The following SLC4A9 variants were observed in gnomAD, a reference collection of about 807,000 sequenced individuals.
SLC4A9 encodes the protein solute carrier family 4 member 9, also known as anion exchange protein 4.
In SLC4A9, 102 loss-of-function variants were observed where a neutral mutation model predicts 103.2. That is an observed-to-expected ratio of 0.99 (90% CI 0.84 to 1.17). SLC4A9 has a LOEUF of 1.17. SLC4A9 is among the 50% of genes most tolerant of loss of function. The pLI is 0.00. For synonymous variants in SLC4A9, 453 were observed against 483.6 expected (o/e 0.94, Z 0.83); for missense variants, 1,091 against 1,193.7 (o/e 0.91, Z 1.27).
chr5:140,366,033 C>T lies in SLC4A9; in HGVS notation c.1899+11C>T, dbSNP rs903169791. ...TTCTTCCCCTCTGTGGTGAGTTTCA[C>T]CTTTCTTTCTGTGGGAGAGGCCTGA... On this transcript the variant is annotated intron_variant, in intron 13 of 21. Coordinates refer to ENST00000506757, the MANE Select transcript of SLC4A9 (RefSeq NM_031467.3). The T allele has an allele frequency of 3.1e-6, 5 of 1,613,562 alleles. No individual in the cohort carries two copies. The African/African-American group carries it at 6.7e-5, about 22-fold the overall frequency.
rs756295864 is a variant in SLC4A9, at chr5:140,364,448, G to C, written c.1474G>C (p.Ala492Pro). 12 of 1,613,436 alleles carry C rather than the reference G, an allele frequency of 7.4e-6. No homozygotes were observed. The highest frequency in any genetic ancestry group is 1.0e-5 in the Non-Finnish European group (12 of 1,179,702). Residue 492 changes from alanine to proline, a missense_variant, in exon 11 of 22, where the codon GCC becomes CCC. Coordinates refer to ENST00000506757, the MANE Select transcript of SLC4A9 (RefSeq NM_031467.3). The part of the protein sequence containing the change: ...TFCLVLVATE[A>P]SVLVRYFTRF... ...TTGCCTGGTGCTGGTGGCCACAGAG[G>C]CCAGTGTGCTGGTGCGCTACTTCAC...
chr5:140,368,798 A>C, intron 17 of SLC4A9, 139 bp downstream of exon 17: 1 of 631,580 alleles, frequency 1.6e-6, no homozygotes, highest in South Asian at 2.4e-5. Context: ...TTTAATCCTC[A>C]CATTAACCCT....
At chr5:140,370,456 C>T (rs1342990086) in intron 17 of SLC4A9, among the ~76,000 whole-genome samples, 2 of 148,938 alleles carry the variant, frequency 1.3e-5, no homozygotes, top group East Asian at 1.9e-4. Context: ...AAGAACGAAA[C>T]TCCACCTCAA....
chr5:140,362,415 T>C, intron 5 of SLC4A9, 30 bp from the exon 6 acceptor site: 1 of 1,605,844 alleles, frequency 6.2e-7, no homozygotes, highest in Non-Finnish European at 8.5e-7. Flanking sequence ...AAGCAGCCTG[T>C]GAATCTCTGG....
At chr5:140,362,660 G>A (rs551557314) in intron 6 of SLC4A9, 128 bp downstream of exon 6, 418 of 1,056,726 alleles carry the variant, frequency 4.0e-4, no homozygotes, top group Non-Finnish European at 5.3e-4. Context: ...CCTAAATACA[G>A]CAATGAGGCA....
chr5:140,364,263 G>A, intron 10 of SLC4A9, 76 bp downstream of exon 10: 1 of 1,583,598 alleles, frequency 6.3e-7, no homozygotes, highest in Non-Finnish European at 8.6e-7. Context: ...GAATAGGAGA[G>A]AGTGGGAGCT....
chr5:140,363,807 C>T lies in SLC4A9; in HGVS notation c.1159C>T (p.Gln387Ter), dbSNP rs1452029987. 1.4e-5 allele frequency: 23 copies of T among 1,613,870 alleles called. No homozygotes were observed. Among genetic ancestry groups the T allele is most frequent in the Non-Finnish European group, 1.9e-5 (22 of 1,179,872 alleles). The change falls in exon 9 of 22, where the codon CAG (glutamine) becomes TAG (stop). Residue 387 changes from glutamine (Q) to a stop codon, truncating the protein, a stop_gained. Transcript: ENST00000506757. LOFTEE classifies it high-confidence loss of function. This position sits in a 1 kb window ranked among gnomAD's most constrained non-coding sequence, Gnocchi z 4.5. ...PSDFLDALHLQCFSAVLYIYL... is the reference protein window; with the variant it reads ...PSDFLDALHL ...CGATTTCTTGGACGCCCTGCATCTC[C>T]AGTGCTTCTCGGCCGTACTCTACAT...
At chr5:140,371,201 A>T in intron 18 of SLC4A9, 38 bp downstream of exon 18, 2 of 1,577,510 alleles carry the variant, frequency 1.3e-6, no homozygotes, top group Non-Finnish European at 1.7e-6. Flanking sequence ...AGAAAAAAGA[A>T]GAATAAAAAG....
chr5:140,366,417 A>C (rs1767897593), intron 14 of SLC4A9, among the ~76,000 whole-genome samples, 153 bp downstream of exon 14: 1 of 152,216 alleles, frequency 6.6e-6, no homozygotes, highest in Admixed American at 6.5e-5. Context: ...CAGGGTTGTC[A>C]TGAGGATTAA....
Position 140,360,824 on chromosome 5 carries a change from TGAG to T in SLC4A9, c.247_249del (p.Glu83del). On this transcript the variant is annotated inframe_deletion, in exon 2 of 22. Transcript: ENST00000506757. ...ACCTTCATCACAGGTGGGTACTGTT[TGAG>T]GAGAAGTTGGAGGTGGCTGCAGGCC... The T allele has an allele frequency of 3.1e-6, 5 of 1,613,454 alleles. No homozygotes were observed. The highest frequency in any genetic ancestry group is 1.3e-5 in the African/African-American group (1 of 75,004).
At chr5:140,372,432 G>T in intron 20 of SLC4A9, 35 bp downstream of exon 20, 1 of 1,600,134 alleles carries the variant, frequency 6.2e-7, no homozygotes, top group Non-Finnish European at 8.5e-7. Context: ...AGGAGAATGT[G>T]TCAGGGTTTG....
intron 21 of SLC4A9, among the ~76,000 whole-genome samples, chr5:140,374,531 C>A (rs920751552): frequency 1.1e-5 from 1 of 94,370 alleles, no homozygotes. Context: ...GCCTGGGCGA[C>A]AAGAGCAAAA....
Position 140,365,534 on chromosome 5 carries a change from T to G in SLC4A9, c.1666T>G (p.Trp556Gly), listed in dbSNP as rs758240179. 37 of 1,611,234 alleles carry G rather than the reference T, an allele frequency of 2.3e-5. No homozygotes were observed. The highest frequency in any genetic ancestry group is 3.1e-5 in the Non-Finnish European group (37 of 1,178,688). ...YPGPGGNESQWIRTRPKDRDD... is the reference protein window; with the variant it reads ...YPGPGGNESQGIRTRPKDRDD... ...CTGCTTCCCAGGAAATGAGTCTCAA[T>G]GGATAAGGACAAGGCCAAAAGACAG... is the stretch of plus-strand genomic sequence containing the variant. The change falls in exon 12 of 22, where the codon TGG (tryptophan) becomes GGG (glycine). Residue 556 changes from tryptophan (W) to glycine (G), a missense_variant. Physicochemically the swap from Trp to Gly is radical, Grantham distance 184. Transcript: ENST00000506757.
chr5:140,365,271 C>A (rs1196050887), intron 11 of SLC4A9, among the ~76,000 whole-genome samples: 1 of 152,222 alleles, frequency 6.6e-6, no homozygotes, highest in Admixed American at 6.5e-5. Flanking sequence ...ATTCAGCCAA[C>A]ATTTGCTGAG....
intron 2 of SLC4A9, 50 bp downstream of exon 2, chr5:140,361,022 C>T: frequency 6.8e-7 from 1 of 1,470,026 alleles, no homozygotes. Context: ...TGCCTTTTCC[C>T]CAGGATTTCC....
chr5:140,373,821 G>T (rs1769086725), intron 21 of SLC4A9, among the ~76,000 whole-genome samples: 1 of 151,686 alleles, frequency 6.6e-6, no homozygotes, highest in African/African-American at 2.4e-5. Flanking sequence ...AGCAAGCCAG[G>T]ACAAGATGGA....
At chr5:140,371,211 G>C (rs756021484) in intron 18 of SLC4A9, 48 bp downstream of exon 18, 1 of 1,567,782 alleles carries the variant, frequency 6.4e-7, no homozygotes, top group Admixed American at 1.9e-5. Context: ...AGAATAAAAA[G>C]ACAAACAAAA....
In SLC4A9 at chr5:140,364,203, C is replaced by T. The variant is rs756896762; in HGVS notation, c.1388+16C>T. 17 of 1,563,120 alleles carry T rather than the reference C, an allele frequency of 1.1e-5. No homozygotes were observed. In the Middle Eastern group the frequency reaches 7.1e-4, roughly 65 times the overall value. ...CTTTCAGCAGGTAGGAGAGCTCCCCCCATCACCGGACCCTCACTAGTGCCA... is the reference window on the plus strand; with the variant it reads ...CTTTCAGCAGGTAGGAGAGCTCCCCTCATCACCGGACCCTCACTAGTGCCA... On this transcript the variant is annotated intron_variant, in intron 10 of 21. Coordinates refer to ENST00000506757, the MANE Select transcript of SLC4A9 (RefSeq NM_031467.3).
chr5:140,360,402 C>T lies in SLC4A9; in HGVS notation c.166C>T (p.Leu56Phe), dbSNP rs1336781647. The change falls in exon 1 of 22, where the codon CTC becomes TTC. Residue 56 changes from leucine (L) to phenylalanine (F), a missense_variant. Transcript: ENST00000506757. ...KELGVPKDPLLFIQLNELLGW... is the reference protein window; with the variant it reads ...KELGVPKDPLFFIQLNELLGW... Reference sequence around the variant, plus strand: ...ACTGGGAGTACCCAAAGACCCTCTGCTCTTCATTCAGCTGAATGAGCTGCT... The same window carrying T: ...ACTGGGAGTACCCAAAGACCCTCTGTTCTTCATTCAGCTGAATGAGCTGCT... 1.2e-6 allele frequency: 2 copies of T among 1,602,692 alleles called. No homozygotes were observed. Among genetic ancestry groups the T allele is most frequent in the African/African-American group, 1.3e-5 (1 of 74,726 alleles).
Sources: gnomAD v4.1 joint callset for allele counts (sites outside exome capture counted in the v4.1 genomes callset) on GRCh38, gnomAD v4.1.1 for gene constraint, Gnocchi (gnomAD v3.1) non-coding constraint, MANE v1.5 for transcripts, NCBI Gene and HGNC (gene_info 2026-07-23, HGNC 2026-07-21) for gene names.